Variants in GLIS1 observed in about 807,000 individuals in gnomAD.
The protein encoded by GLIS1 is zinc finger protein GLIS1.
Under a neutral mutation model 63.8 loss-of-function variants are expected in GLIS1, and 24 were observed. The ratio of observed to expected loss-of-function variants is 0.38; its 90% confidence interval spans 0.27 to 0.53. GLIS1 has a LOEUF of 0.53. GLIS1 is among the 20% of genes least tolerant of loss of function. The pLI is 0.85. For missense variants in GLIS1, 1,036 were observed against 1,074.1 expected, an observed-to-expected ratio of 0.96 and a Z score of 0.50; for synonymous variants, 450 against 482.5, an observed-to-expected ratio of 0.93 and a Z score of 0.88.
intron 2 of GLIS1, among the ~76,000 whole-genome samples, chr1:53,667,036 T>G (rs1209937993): frequency 1.3e-5 from 2 of 152,230 alleles, no homozygotes; most frequent in Non-Finnish European, 2.9e-5. Flanking sequence ...AACCTCCTTC[T>G]CCTAGTGTCT....
At chr1:53,645,174 C>T (rs1440157093) in intron 2 of GLIS1, among the ~76,000 whole-genome samples, 2 of 152,102 alleles carry the variant, frequency 1.3e-5, no homozygotes, top group African/African-American at 2.4e-5. Context: ...GAATGCTTCT[C>T]CCCCCCAGAC....
chr1:53,559,979 G>A (rs1644869988), intron 4 of GLIS1, among the ~76,000 whole-genome samples: 1 of 152,058 alleles, frequency 6.6e-6, no homozygotes, highest in African/African-American at 2.4e-5. Flanking sequence ...TCTCCACCTT[G>A]GCTAACTTAT....
Position 53,652,746 on chromosome 1 carries a change from C to T in GLIS1, c.260-52468G>A, listed in dbSNP as rs116273963. Among the ~76,000 whole-genome samples, 165 of 152,270 alleles carry T rather than the reference C, an allele frequency of 1.1e-3. 1 individual carries two copies. The highest frequency in any genetic ancestry group is 3.8e-3 in the African/African-American group (159 of 41,566). On this transcript the variant is annotated intron_variant, in intron 2 of 10. Transcript: ENST00000628545. ...AGCCTCCTCAGTCACCCTCCTAAAACCAAGATCCAAGGTGACATAGAGGAC... is the reference window on the plus strand; with the variant it reads ...AGCCTCCTCAGTCACCCTCCTAAAATCAAGATCCAAGGTGACATAGAGGAC...
chr1:53,725,060 G>C (rs1646792307), intron 2 of GLIS1, among the ~76,000 whole-genome samples: 1 of 152,228 alleles, frequency 6.6e-6, no homozygotes, highest in South Asian at 2.1e-4. Context: ...CATGGAGAGA[G>C]TGGGAATGGG....
At chr1:53,652,352 G>A (rs1004733919) in intron 2 of GLIS1, among the ~76,000 whole-genome samples, 1 of 152,158 alleles carries the variant, frequency 6.6e-6, no homozygotes, top group African/African-American at 2.4e-5. Context: ...TGGGAGCTCA[G>A]TGGGGGAAGG....
rs114608539 is a variant in GLIS1, at chr1:53,531,694, G to A, written c.1321-1742C>T. Among the ~76,000 whole-genome samples the A allele has an allele frequency of 2.6e-3, 400 of 152,322 alleles. 2 individuals are homozygous for A. The highest frequency in any genetic ancestry group is 9.4e-3 in the African/African-American group (389 of 41,554). On this transcript the variant is annotated intron_variant, in intron 4 of 10. Coordinates refer to ENST00000628545, the MANE Select transcript of GLIS1 (RefSeq NM_001367484.1). The stretch of plus-strand genomic sequence containing the variant: ...CACCATAAAGCGACGTGGTTGAGAT[G>A]TCACAGAGGGAGACACAGGGGCTGT...
rs1645303203 is a variant in GLIS1 at position 53,600,294 on chromosome 1, C to G, written c.260-16G>C. ...CTCCCATTCACTAGGCAGAGAAAGA[C>G]AGGGAGAGAGGGACACAGTGAGTGG... On this transcript the variant is annotated splice_polypyrimidine_tract_variant and intron_variant, in intron 2 of 10. Coordinates refer to ENST00000628545, the MANE Select transcript of GLIS1 (RefSeq NM_001367484.1). 2 of 1,231,134 alleles carry G rather than the reference C, an allele frequency of 1.6e-6. No homozygotes were observed. The highest frequency in any genetic ancestry group is 2.0e-6 in the Non-Finnish European group (2 of 987,086). The allele number at this position is 1,231,134 out of a possible 1,614,324, so 76.3% of individuals were successfully genotyped here.
At chr1:53,726,531 G>T (rs1466555403) in intron 2 of GLIS1, among the ~76,000 whole-genome samples, 1 of 152,094 alleles carries the variant, frequency 6.6e-6, no homozygotes, top group Non-Finnish European at 1.5e-5. Context: ...CTGGATATTG[G>T]AGTCTGACAG....
chr1:53,519,001 G>A (rs1644380033), intron 7 of GLIS1, among the ~76,000 whole-genome samples: 1 of 152,218 alleles, frequency 6.6e-6, no homozygotes, highest in Non-Finnish European at 1.5e-5. Context: ...CTTTGCCCTG[G>A]GGGCAGCACT....
intron 2 of GLIS1, among the ~76,000 whole-genome samples, chr1:53,640,575 C>T (rs1645776113): frequency 6.6e-6 from 1 of 152,216 alleles, no homozygotes; most frequent in Non-Finnish European, 1.5e-5. Flanking sequence ...CTGACAGCAG[C>T]AGCCATCCAC....
intron 2 of GLIS1, among the ~76,000 whole-genome samples, chr1:53,697,036 T>C (rs1441492843): frequency 6.8e-6 from 1 of 147,602 alleles, no homozygotes; most frequent in Non-Finnish European, 1.5e-5. Context: ...GTGTCCATAT[T>C]CACTGGGTGG....
At chr1:53,663,574 C>T (rs1301038311) in intron 2 of GLIS1, among the ~76,000 whole-genome samples, 5 of 152,230 alleles carry the variant, frequency 3.3e-5, no homozygotes, top group Non-Finnish European at 7.3e-5. Context: ...GCTCCGTGAC[C>T]CTGCCTCATT....
At position 53,509,201 on chromosome 1, in the gene GLIS1, C is replaced by T. The variant is rs778490328; in HGVS notation, c.2149G>A (p.Gly717Arg). Residue 717 changes from glycine (G) to arginine (R), a missense_variant, in exon 10 of 11, where the codon GGA becomes AGA. Around this residue, in one of 3 missense-constraint regions of GLIS1, gnomAD observed 400 missense variants for 400.9 expected, o/e 1.00. Transcript: ENST00000628545. ...AAACCGTGGGTCTCCCCGACCAGTCCGTCCCCACCGGCTGCTGGTTCAGCC... is the reference window on the plus strand; with the variant it reads ...AAACCGTGGGTCTCCCCGACCAGTCTGTCCCCACCGGCTGCTGGTTCAGCC... Reference protein sequence around the residue: ...RMAEPAAGGDGLVGETHGFNP... With the variant: ...RMAEPAAGGDRLVGETHGFNP... The T allele has an allele frequency of 5.9e-5, 94 of 1,598,910 alleles. No homozygotes were observed. In the Middle Eastern group the frequency reaches 7.0e-4, roughly 12 times the overall value.
intron 2 of GLIS1, among the ~76,000 whole-genome samples, chr1:53,607,768 G>A (rs1247569785): frequency 6.6e-6 from 1 of 152,140 alleles, no homozygotes; most frequent in Non-Finnish European, 1.5e-5. Context: ...AGACTAGGTG[G>A]CTTAAACAAC....
intron 2 of GLIS1, among the ~76,000 whole-genome samples, chr1:53,657,294 A>G (rs1442693989): frequency 6.6e-6 from 1 of 152,204 alleles, no homozygotes; most frequent in Non-Finnish European, 1.5e-5. Context: ...TTTCTTTACC[A>G]AGTGGCTGGC....
At chr1:53,615,424 G>A (rs1239871877) in intron 2 of GLIS1, among the ~76,000 whole-genome samples, 3 of 152,212 alleles carry the variant, frequency 2.0e-5, no homozygotes, top group Non-Finnish European at 2.9e-5. Flanking sequence ...TGCCCGGTGT[G>A]AGTGACCACT....
At chr1:53,562,614 C>A (rs573802481) in intron 4 of GLIS1, among the ~76,000 whole-genome samples, 1 of 152,266 alleles carries the variant, frequency 6.6e-6, no homozygotes, top group South Asian at 2.1e-4. Flanking sequence ...CACACTGCCC[C>A]GGGGGCAGGC....
chr1:53,598,612 G>A lies in GLIS1; in HGVS notation c.437+1489C>T, dbSNP rs1381007480. On this transcript the variant is annotated intron_variant, in intron 3 of 10. Coordinates refer to ENST00000628545, the MANE Select transcript of GLIS1 (RefSeq NM_001367484.1). This position sits in a 1 kb window ranked among gnomAD's most constrained non-coding sequence, Gnocchi z 4.6. ...ACTCAGCGACAAGGCGGTCATCTGC[G>A]AGCTAAGGAGAGAGGCCTCAGAAGA... Among the ~76,000 whole-genome samples the A allele has an allele frequency of 1.3e-5, 2 of 152,034 alleles. No homozygotes were observed. Among genetic ancestry groups the A allele is most frequent in the African/African-American group, 2.4e-5 (1 of 41,372 alleles).
intron 5 of GLIS1, among the ~76,000 whole-genome samples, 178 bp from the exon 6 acceptor site, chr1:53,525,065 G>A (rs1644452174): frequency 6.6e-6 from 1 of 152,186 alleles, no homozygotes; most frequent in Non-Finnish European, 1.5e-5. Flanking sequence ...AGCGGAGCAA[G>A]GGGTTTGTGT....
Sources: gnomAD v4.1 joint callset for allele counts (sites outside exome capture counted in the v4.1 genomes callset) on GRCh38, gnomAD v4.1.1 for gene constraint, gnomAD v4.1.1 regional missense constraint, Gnocchi (gnomAD v3.1) non-coding constraint, MANE v1.5 for transcripts, NCBI Gene and HGNC (gene_info 2026-07-23, HGNC 2026-07-21) for gene names.